The following CLTCL1 variants were observed in gnomAD, a reference collection of about 807,000 sequenced individuals.
CLTCL1 encodes clathrin heavy chain like 1, also known as clathrin heavy chain 2.
Under a neutral mutation model 190.0 loss-of-function variants are expected in CLTCL1, and 159 were observed. The observed-to-expected ratio is 0.84, with a 90% CI of 0.74 to 0.95. CLTCL1 has a LOEUF of 0.95. Ranked by LOEUF, CLTCL1 falls within the 40% of genes least tolerant of loss-of-function variation. The pLI, the probability that CLTCL1 is intolerant of heterozygous loss-of-function variation, is 0.00. For missense variants in CLTCL1, 1,878 were observed against 2,033.4 expected (o/e 0.92, Z 1.47); for synonymous variants, 752 against 769.6 (o/e 0.98, Z 0.38).
chr22:19,188,120 C>G (rs782313608), intron 27 of CLTCL1, 29 bp from the exon 28 acceptor site: 1 of 1,601,228 alleles, frequency 6.2e-7, no homozygotes, highest in Admixed American at 1.7e-5. Flanking sequence ...CGTCAAGGCA[C>G]TTGGCCAAGC....
chr22:19,276,721 G>A (rs1314372374), intron 1 of CLTCL1, among the ~76,000 whole-genome samples: 1 of 152,150 alleles, frequency 6.6e-6, no homozygotes, highest in African/African-American at 2.4e-5. Context: ...CCAGGCTGGA[G>A]TGCAGTGGTG....
intron 1 of CLTCL1, among the ~76,000 whole-genome samples, chr22:19,279,856 G>A (rs1555985472): frequency 6.6e-6 from 1 of 152,174 alleles, no homozygotes; most frequent in African/African-American, 2.4e-5. Context: ...AACAATGTAT[G>A]AAACAAAAGA....
chr22:19,264,919 G>A (rs892030939), intron 2 of CLTCL1, among the ~76,000 whole-genome samples: 1 of 152,032 alleles, frequency 6.6e-6, no homozygotes, highest in Non-Finnish European at 1.5e-5. Flanking sequence ...GTCCCAAGTA[G>A]CTGGGATTAT....
chr22:19,256,354 CTTTTTTTTTTT>C lies in CLTCL1; in HGVS notation c.251-2138_251-2128del, dbSNP rs1239133099. 2.5e-3 allele frequency among the ~76,000 whole-genome samples: 256 copies of C among 104,362 alleles called. 3 individuals carry two copies. The highest frequency in any genetic ancestry group is 8.9e-3 in the African/African-American group (247 of 27,706). 68.5% of individuals were successfully genotyped at this position (104,362 alleles called of 152,430 possible). A position where few individuals can be genotyped will look rare whatever the true frequency, so the allele number is the denominator to read the frequency against. ...TCTTTTTTTTTTCTTTTTCTTTTAT[CTTTTTTTTTTT>C]TTTTTTTTTGAGACACAGTCTCTCT... On this transcript the variant is annotated intron_variant, in intron 2 of 32. Coordinates refer to ENST00000427926, the MANE Select transcript of CLTCL1 (RefSeq NM_007098.4).
chr22:19,270,273 T>C (rs1555979951), intron 2 of CLTCL1, among the ~76,000 whole-genome samples: 1 of 152,126 alleles, frequency 6.6e-6, no homozygotes, highest in Non-Finnish European at 1.5e-5. Flanking sequence ...AGAAAGTCTG[T>C]TGAGGAAGAA....
chr22:19,264,161 T>C (rs1044415216), intron 2 of CLTCL1, among the ~76,000 whole-genome samples: 1 of 151,754 alleles, frequency 6.6e-6, no homozygotes, highest in African/African-American at 2.4e-5. Flanking sequence ...TAGCTGGTTG[T>C]AGTGGCGCAT....
chr22:19,256,902 T>C (rs2086779754), intron 2 of CLTCL1, among the ~76,000 whole-genome samples: 1 of 152,204 alleles, frequency 6.6e-6, no homozygotes, highest in South Asian at 2.1e-4. Flanking sequence ...AGAGCAAAGC[T>C]GGAAGACTTA....
At chr22:19,194,558 T>G (rs191370833) in intron 26 of CLTCL1, among the ~76,000 whole-genome samples, 1 of 152,242 alleles carries the variant, frequency 6.6e-6, no homozygotes, top group Non-Finnish European at 1.5e-5. Flanking sequence ...GGATAGCTGG[T>G]TGGCGTGCTG....
rs782067927 is a variant in CLTCL1 at position 19,242,843 on chromosome 22, T to C, written c.613A>G (p.Lys205Glu). The change falls in exon 4 of 33, where the codon AAG becomes GAG. Residue 205 changes from lysine (K) to glutamate (E), a missense_variant. Coordinates refer to ENST00000427926, the MANE Select transcript of CLTCL1 (RefSeq NM_007098.4). Reference protein sequence around the residue: ...EGHAAAFAEFKMEGNAKPATL... With the variant: ...EGHAAAFAEFEMEGNAKPATL... ...GCAGGCTTGGCATTCCCCTCCATCT[T>C]GAACTCTGCAAAAGCCGCAGCATGG... is the stretch of plus-strand genomic sequence containing the variant. The C allele has an allele frequency of 4.3e-6, 7 of 1,613,778 alleles. No individual in the cohort carries two copies. The African/African-American group carries it at 8.0e-5, about 18-fold the overall frequency.
At chr22:19,231,432 T>C (rs1241378699) in intron 10 of CLTCL1, among the ~76,000 whole-genome samples, 1 of 152,174 alleles carries the variant, frequency 6.6e-6, no homozygotes, top group Non-Finnish European at 1.5e-5. Context: ...CTCACTATGT[T>C]GCCCAGGCTC....
At chr22:19,228,305 C>A (rs984458828) in intron 11 of CLTCL1, among the ~76,000 whole-genome samples, 2 of 152,214 alleles carry the variant, frequency 1.3e-5, no homozygotes, top group South Asian at 4.1e-4. Flanking sequence ...GAAACCATCA[C>A]GCAGTCCTAC....
At position 19,233,451 on chromosome 22, in the gene CLTCL1, G is replaced by T. The variant is rs782400253; in HGVS notation, c.1339C>A (p.Leu447Ile). The change falls in exon 8 of 33, where the codon CTC becomes ATC. Residue 447 changes from leucine to isoleucine, a missense_variant. Physicochemically the swap from Leu to Ile is conservative, Grantham distance 5. Transcript: ENST00000427926. The stretch of plus-strand genomic sequence containing the variant: ...TCTTCTTTCAGCCACTTCTCTAGGA[G>T]TTGCTTACGCCCCTGCTGAAGAACC... Reference protein sequence around the residue: ...HLVLQQGRKQLLEKWLKEDKL... With the variant: ...HLVLQQGRKQILEKWLKEDKL... 1.2e-6 allele frequency: 2 copies of T among 1,613,766 alleles called. No homozygotes were observed. The highest frequency in any genetic ancestry group is 2.2e-5 in the South Asian group (2 of 91,074).
chr22:19,210,441 C>T lies in CLTCL1; in HGVS notation c.3134G>A (p.Ser1045Asn). 1.9e-6 allele frequency: 3 copies of T among 1,613,988 alleles called. No homozygotes were observed. Among genetic ancestry groups the T allele is most frequent in the Non-Finnish European group, 2.5e-6 (3 of 1,179,874 alleles). ...ADRTRVMEYI[S>N]RLDNYDALDI... The stretch of plus-strand genomic sequence containing the variant: ...CAGTGCGTCATAGTTGTCCAGGCGG[C>T]TGATGTACTCCATGACCCGTGTGCG... Residue 1045 changes from serine (S) to asparagine (N), a missense_variant, in exon 20 of 33, where the codon AGC becomes AAC. Ser to Asn is a conservative substitution (Grantham distance 46). Coordinates refer to ENST00000427926, the MANE Select transcript of CLTCL1 (RefSeq NM_007098.4).
chr22:19,275,698 T>C lies in CLTCL1; in HGVS notation c.175A>G (p.Met59Val), dbSNP rs781848208. 17 of 1,606,818 alleles carry C rather than the reference T, an allele frequency of 1.1e-5. No individual in the cohort carries two copies. The highest frequency in any genetic ancestry group is 2.7e-5 in the African/African-American group (2 of 74,854). ...QVTIIDMSDPMAPIRRPISAE... is the reference protein window; with the variant it reads ...QVTIIDMSDPVAPIRRPISAE... ...GAGATAGGCCGTCGGATCGGAGCCA[T>C]TGGGTCACTCATGTCAATGATCGTG... Residue 59 changes from methionine to valine, a missense_variant, in exon 2 of 33, where the codon ATG becomes GTG. Met to Val is a conservative substitution (Grantham distance 21). Transcript: ENST00000427926.
intron 3 of CLTCL1, among the ~76,000 whole-genome samples, chr22:19,247,689 T>C (rs1555968501): frequency 2.0e-5 from 3 of 151,994 alleles, no homozygotes; most frequent in Non-Finnish European, 4.4e-5. Context: ...GCCTCCCAAG[T>C]AGCTGGGATT....
chr22:19,196,148 G>A lies in CLTCL1; in HGVS notation c.4191+118C>T, dbSNP rs1001418731. On this transcript the variant is annotated intron_variant, in intron 26 of 32. Transcript: ENST00000427926. ...GGGTGGTGGACTCATACAAGTGAAC[G>A]CACACACAGCATGGGGGCATGCTGG... The A allele has an allele frequency of 6.6e-5, 66 of 1,003,438 alleles. 2 individuals carry two copies. The South Asian group carries it at 7.6e-4, about 11-fold the overall frequency. The allele number at this position is 1,003,438 out of a possible 1,614,324, so 62.2% of individuals were successfully genotyped here.
chr22:19,218,106 A>T (rs782259965), intron 18 of CLTCL1, among the ~76,000 whole-genome samples: 1 of 152,166 alleles, frequency 6.6e-6, no homozygotes, highest in African/African-American at 2.4e-5. Flanking sequence ...TCGCACCAGG[A>T]GGTGGCTACA....
At chr22:19,257,739 G>A in intron 2 of CLTCL1, 1 of 1,300,550 alleles carries the variant, frequency 7.7e-7, no homozygotes, top group Non-Finnish European at 1.0e-6. Flanking sequence ...GGGTCTGGCA[G>A]GAATAGGGGG....
chr22:19,234,461 T>C, intron 7 of CLTCL1, 48 bp downstream of exon 7: 1 of 1,456,254 alleles, frequency 6.9e-7, no homozygotes, highest in Non-Finnish European at 9.4e-7. Context: ...CCTCTCAAGG[T>C]TGGTTCTTAA....
Sources: gnomAD v4.1 joint callset for allele counts (sites outside exome capture counted in the v4.1 genomes callset) on GRCh38, gnomAD v4.1.1 for gene constraint, MANE v1.5 for transcripts, NCBI Gene and HGNC (gene_info 2026-07-23, HGNC 2026-07-21) for gene names.